EHD3: variants seen among roughly 807,000 people sequenced by gnomAD.
EHD3 encodes the protein EH domain-containing protein 3.
In EHD3, 17 loss-of-function variants were observed where a neutral mutation model predicts 43.0. The observed-to-expected ratio is 0.40, with a 90% CI of 0.27 to 0.59. EHD3 has a LOEUF of 0.59. Among genes scored for constraint, EHD3 ranks in the 20% least tolerant of loss-of-function variants. The probability of loss-of-function intolerance (pLI) is 0.49; values close to 1 mark genes in which losing one functional copy is unlikely to be tolerated. For missense variants in EHD3, 594 were observed against 705.6 expected (o/e 0.84, Z 1.79); for synonymous variants, 313 against 289.5 (o/e 1.08, Z -0.82).
intron 1 of EHD3, among the ~76,000 whole-genome samples, chr2:31,240,394 A>G (rs1344907013): frequency 2.0e-5 from 3 of 152,228 alleles, no homozygotes; most frequent in African/African-American, 4.8e-5. Flanking sequence ...AGATTCCTCA[A>G]TAGATTTTTC....
In EHD3 at chr2:31,234,422, G is replaced by C. The variant is rs1351454697; in HGVS notation, c.-200G>C. On this transcript the variant is annotated 5_prime_UTR_variant, in exon 1 of 6. Coordinates refer to ENST00000322054, the MANE Select transcript of EHD3 (RefSeq NM_014600.3). ...GGCCTGGGCTGCTGGATGCAGCAGC[G>C]GCTGGGCTTGGTCCCAGGAGCAGGG... 5 of 595,930 alleles carry C rather than the reference G, an allele frequency of 8.4e-6. No individual in the cohort carries two copies. Among genetic ancestry groups the C allele is most frequent in the South Asian group, 2.0e-5 (1 of 50,200 alleles). 36.9% of individuals were successfully genotyped at this position (595,930 alleles called of 1,614,324 possible).
Position 31,266,428 on chromosome 2 carries a change from C to A in EHD3, c.1332C>A (p.Asp444Glu). Residue 444 changes from aspartate (D) to glutamate (E), a missense_variant, in exon 6 of 6, where the codon GAC becomes GAA. By Grantham distance (45) the Asp-to-Glu change is conservative. Around this residue, in one of 3 missense-constraint regions of EHD3, gnomAD observed 322 missense variants for 348.0 expected, o/e 0.93. Coordinates refer to ENST00000322054, the MANE Select transcript of EHD3 (RefSeq NM_014600.3). The surrounding 1 kb of genome is among the most constrained non-coding windows in gnomAD (Gnocchi z 5.1). The stretch of plus-strand genomic sequence containing the variant: ...ATGCTGAGTGGGTGGTGGCCAGGGA[C>A]AAGCCCATGTACGACGAGATCTTCT... Reference protein sequence around the residue: ...IDDAEWVVARDKPMYDEIFYT... With the variant: ...IDDAEWVVAREKPMYDEIFYT... 6.2e-7 allele frequency: 1 copy of A among 1,613,852 alleles called. No individual in the cohort carries two copies. Among genetic ancestry groups the A allele is most frequent in the Non-Finnish European group, 8.5e-7 (1 of 1,179,920 alleles).
intron 3 of EHD3, among the ~76,000 whole-genome samples, chr2:31,251,582 G>A (rs560461245): frequency 5.9e-5 from 9 of 152,312 alleles, no homozygotes; most frequent in Middle Eastern, 6.8e-3. Context: ...AGCAGTTCCT[G>A]TAATTGGTGG....
At chr2:31,243,555 C>G (rs574314901) in intron 1 of EHD3, among the ~76,000 whole-genome samples, 33 of 148,146 alleles carry the variant, frequency 2.2e-4, no homozygotes, top group African/African-American at 7.4e-4. Context: ...CTCCCGGGTT[C>G]AAATGATTCT....
intron 2 of EHD3, among the ~76,000 whole-genome samples, chr2:31,246,411 T>A (rs1300127186): frequency 6.6e-6 from 1 of 151,918 alleles, no homozygotes; most frequent in East Asian, 1.9e-4. Flanking sequence ...AGCATCGTCC[T>A]ATCTGAAGGC....
intron 3 of EHD3, among the ~76,000 whole-genome samples, chr2:31,256,582 G>A (rs2148721644): frequency 6.6e-6 from 1 of 152,364 alleles, no homozygotes; most frequent in Admixed American, 6.5e-5. Flanking sequence ...GTGAGCTGAA[G>A]AGCAGAACAG....
At position 31,234,711 on chromosome 2, in the gene EHD3, G is replaced by T. The variant is rs200106674; in HGVS notation, c.90G>T (p.Lys30Asn). Residue 30 changes from lysine to asparagine, a missense_variant, in exon 1 of 6, where the codon AAG becomes AAT. Lys to Asn is a moderately conservative substitution (Grantham distance 94). This residue lies in a region of EHD3 where 243 missense variants were observed against 296.7 expected (regional missense o/e 0.82). Coordinates refer to ENST00000322054, the MANE Select transcript of EHD3 (RefSeq NM_014600.3). ...GTGAGGGGCTCAAGAAACTCTACAA[G>T]AGCAAGCTGCTGCCCTTGGAAGAGC... The part of the protein sequence containing the change: ...TVSEGLKKLY[K>N]SKLLPLEEHY... 2 of 1,614,208 alleles carry T rather than the reference G, an allele frequency of 1.2e-6. No homozygotes were observed. The highest frequency in any genetic ancestry group is 4.5e-5 in the East Asian group (2 of 44,870).
intron 1 of EHD3, among the ~76,000 whole-genome samples, chr2:31,241,147 G>A (rs552421091): frequency 7.7e-4 from 117 of 152,212 alleles, no homozygotes; most frequent in Non-Finnish European, 1.5e-3. Context: ...TTACAGAGAT[G>A]AGTACACTCC....
At chr2:31,240,781 T>G (rs1023478517) in intron 1 of EHD3, among the ~76,000 whole-genome samples, 1 of 152,224 alleles carries the variant, frequency 6.6e-6, no homozygotes, top group Non-Finnish European at 1.5e-5. Context: ...TGGGCATTTT[T>G]GAGGCTGCCT....
chr2:31,258,021 C>T (rs913028098), intron 3 of EHD3, among the ~76,000 whole-genome samples: 4 of 152,158 alleles, frequency 2.6e-5, no homozygotes, highest in African/African-American at 9.7e-5. Flanking sequence ...CTAAGCTCCT[C>T]GTAGCCTCAT....
chr2:31,234,936 G>A (rs1184397146), intron 1 of EHD3, 88 bp downstream of exon 1: 2 of 1,271,078 alleles, frequency 1.6e-6, no homozygotes, highest in Admixed American at 1.9e-5. Flanking sequence ...CCAGACAGGG[G>A]ACCAATGGGA....
intron 4 of EHD3, among the ~76,000 whole-genome samples, 158 bp downstream of exon 4, chr2:31,261,080 T>C (rs557693872): frequency 5.9e-5 from 9 of 152,318 alleles, no homozygotes; most frequent in African/African-American, 1.4e-4. Context: ...AGCTCTCAGG[T>C]CAGATGGCCA....
In EHD3 at chr2:31,243,755, G is replaced by A. The variant is rs989825939; in HGVS notation, c.228-519G>A. ...AGGCGTGAGCCACCGCGCCTGGCCA[G>A]AGATTCATTTTTCATAGTGTACCTT... On this transcript the variant is annotated intron_variant, in intron 1 of 5. Transcript: ENST00000322054. Among the ~76,000 whole-genome samples, 50 of 152,130 alleles carry A rather than the reference G, an allele frequency of 3.3e-4. 1 individual carries two copies. Among genetic ancestry groups the A allele is most frequent in the African/African-American group, 1.1e-3 (47 of 41,504 alleles).
intron 3 of EHD3, among the ~76,000 whole-genome samples, chr2:31,255,747 G>A (rs2148721257): frequency 6.6e-6 from 1 of 152,266 alleles, no homozygotes; most frequent in South Asian, 2.1e-4. Context: ...CACCTGGCTG[G>A]AAGCTTCTGG....
At chr2:31,255,882 G>A (rs528819697) in intron 3 of EHD3, among the ~76,000 whole-genome samples, 82 of 152,306 alleles carry the variant, frequency 5.4e-4, no homozygotes, top group Non-Finnish European at 9.7e-4. Flanking sequence ...ACTTCACACA[G>A]GCATCCCCGA....
chr2:31,236,317 A>G (rs1683323441), intron 1 of EHD3, among the ~76,000 whole-genome samples: 2 of 152,218 alleles, frequency 1.3e-5, no homozygotes, highest in African/African-American at 4.8e-5. Context: ...TGTATGTTTT[A>G]TATTGATAGA....
intron 2 of EHD3, among the ~76,000 whole-genome samples, chr2:31,245,553 ATTT>A (rs1227122252): frequency 3.8e-3 from 133 of 34,984 alleles, no homozygotes; most frequent in African/African-American, 0.011. Context: ...ATATATATAT[ATTT>A]TTTTTTTTTT....
At chr2:31,256,054 C>T (rs1422152385) in intron 3 of EHD3, among the ~76,000 whole-genome samples, 1 of 152,086 alleles carries the variant, frequency 6.6e-6, no homozygotes. Context: ...GGTTGTCCAG[C>T]TCAATCCCCT....
In EHD3 at chr2:31,261,595, T is replaced by C; in HGVS notation, c.962T>C (p.Val321Ala). ...TCTCTGAAGAAGGAGATGCCCTCGGTGTTCGGGAAGGACAACAAGAAGAAG... is the reference window on the plus strand; with the variant it reads ...TCTCTGAAGAAGGAGATGCCCTCGGCGTTCGGGAAGGACAACAAGAAGAAG... ...ISSLKKEMPS[V>A]FGKDNKKKEL... The change falls in exon 5 of 6, where the codon GTG becomes GCG. Residue 321 changes from valine to alanine, a missense_variant. This residue lies in a region of EHD3 where 322 missense variants were observed against 348.0 expected (regional missense o/e 0.93). Coordinates refer to ENST00000322054, the MANE Select transcript of EHD3 (RefSeq NM_014600.3). 1 of 1,614,112 alleles carries C rather than the reference T, an allele frequency of 6.2e-7. No homozygotes were observed. The highest frequency in any genetic ancestry group is 8.5e-7 in the Non-Finnish European group (1 of 1,180,012).
Sources: allele counts gnomAD v4.1 joint callset (sites outside exome capture counted in the v4.1 genomes callset), GRCh38; gene constraint gnomAD v4.1.1; regional missense constraint gnomAD v4.1.1; non-coding constraint Gnocchi (gnomAD v3.1); transcripts MANE v1.5; gene names NCBI Gene and HGNC (gene_info 2026-07-23, HGNC 2026-07-21).